The following DAB1 variants were observed in gnomAD, a reference collection of about 807,000 sequenced individuals.
DAB1 encodes DAB adaptor protein 1.
Under a neutral mutation model 64.6 loss-of-function variants are expected in DAB1, and 15 were observed. That is an observed-to-expected ratio of 0.23 (90% CI 0.16 to 0.36). DAB1 has a LOEUF of 0.36. Ranked by LOEUF, DAB1 falls within the 10% of genes least tolerant of loss-of-function variation. DAB1 has a pLI of 1.00. For missense variants in DAB1, 596 were observed against 706.7 expected (o/e 0.84, Z 1.78); for synonymous variants, 235 against 251.9 (o/e 0.93, Z 0.64).
At chr1:57,029,094 T>A (rs1570540835) in intron 9 of DAB1, among the ~76,000 whole-genome samples, 1 of 151,922 alleles carries the variant, frequency 6.6e-6, no homozygotes, top group Non-Finnish European at 1.5e-5. Context: ...GAAAAAGTGG[T>A]TTTGTGGGCT....
chr1:57,542,241 C>T (rs1407737178), intron 7 of DAB1, among the ~76,000 whole-genome samples: 1 of 151,902 alleles, frequency 6.6e-6, no homozygotes, highest in African/African-American at 2.4e-5. Context: ...CAGTACACAG[C>T]CAGAACCAGG....
At chr1:58,384,719 C>T (rs1263589306) in intron 3 of DAB1, among the ~76,000 whole-genome samples, 1 of 152,198 alleles carries the variant, frequency 6.6e-6, no homozygotes, top group African/African-American at 2.4e-5. Context: ...TGGCCAAAGG[C>T]CCAAAGGCCC....
intron 4 of DAB1, among the ~76,000 whole-genome samples, chr1:57,133,935 C>A (rs1184110721): frequency 6.6e-6 from 1 of 152,162 alleles, no homozygotes; most frequent in Non-Finnish European, 1.5e-5. Flanking sequence ...ACTGTTCCTG[C>A]TCATAATTTC....
intron 5 of DAB1, among the ~76,000 whole-genome samples, chr1:57,920,119 A>G (rs1009017021): frequency 1.3e-5 from 2 of 152,144 alleles, no homozygotes; most frequent in Non-Finnish European, 2.9e-5. Context: ...TAAGGCAGAG[A>G]GGTGAGCTAG....
chr1:57,859,178 A>G (rs547160395), intron 1 of DAB1, among the ~76,000 whole-genome samples: 2 of 151,990 alleles, frequency 1.3e-5, no homozygotes, highest in Non-Finnish European at 2.9e-5. Context: ...CCTAACCTAG[A>G]CCCCAAATTA....
At chr1:57,482,197 G>A (rs936759692) in intron 7 of DAB1, among the ~76,000 whole-genome samples, 1 of 151,980 alleles carries the variant, frequency 6.6e-6, no homozygotes, top group African/African-American at 2.4e-5. Context: ...ATCTAAGTTC[G>A]CATGAAAGAG....
intron 7 of DAB1, among the ~76,000 whole-genome samples, chr1:57,628,365 AAG>A (rs1372836712): frequency 1.3e-5 from 2 of 152,254 alleles, no homozygotes; most frequent in African/African-American, 4.8e-5. Flanking sequence ...TTCAAATATG[AAG>A]AGAGATGTGG....
chr1:57,079,952 G>A lies in DAB1; in HGVS notation c.307-7538C>T, dbSNP rs919427441. Among the ~76,000 whole-genome samples the A allele has an allele frequency of 1.1e-4, 16 of 152,070 alleles. No individual in the cohort carries two copies. The South Asian group carries it at 1.7e-3, about 16-fold the overall frequency. The stretch of plus-strand genomic sequence containing the variant: ...GATGAATTGATCAGTGTCTGCCTCC[G>A]CCACTAGAGGCAGCAGCAGCATTTT... On this transcript the variant is annotated intron_variant, in intron 4 of 14. Coordinates refer to ENST00000371236, the MANE Select transcript of DAB1 (RefSeq NM_001365792.1).
chr1:57,606,810 A>AGAGG (rs35770063), intron 7 of DAB1, among the ~76,000 whole-genome samples: 6 of 145,468 alleles, frequency 4.1e-5, no homozygotes, highest in Admixed American at 1.4e-4. Flanking sequence ...AGAGAGAGAG[A>AGAGG]CAGATTTTCA....
chr1:57,621,819 T>G (rs1645863251), intron 7 of DAB1, among the ~76,000 whole-genome samples: 1 of 152,208 alleles, frequency 6.6e-6, no homozygotes, highest in Non-Finnish European at 1.5e-5. Context: ...CTGATACAGA[T>G]AGGCCCCCAA....
intron 7 of DAB1, among the ~76,000 whole-genome samples, chr1:57,606,795 T>TAGAA (rs1553199599): frequency 5.3e-5 from 7 of 133,168 alleles, no homozygotes; most frequent in Non-Finnish European, 9.2e-5. Flanking sequence ...CATATATATA[T>TAGAA]AGAGAGAGAG....
chr1:57,363,450 C>T (rs1679714481), intron 1 of DAB1, among the ~76,000 whole-genome samples: 1 of 152,004 alleles, frequency 6.6e-6, no homozygotes, highest in East Asian at 1.9e-4. Flanking sequence ...AACACATTTC[C>T]AAATCCCATT....
At chr1:57,092,676 G>A (rs1316587497) in intron 4 of DAB1, among the ~76,000 whole-genome samples, 5 of 127,822 alleles carry the variant, frequency 3.9e-5, no homozygotes, top group Admixed American at 1.7e-4. Context: ...GCGGGGGAGG[G>A]GGGTGGGGGG....
At chr1:58,533,491 T>C (rs956988341) in intron 1 of DAB1, among the ~76,000 whole-genome samples, 1 of 152,156 alleles carries the variant, frequency 6.6e-6, no homozygotes, top group Non-Finnish European at 1.5e-5. Context: ...GTTATTACTC[T>C]GTATTAATTA....
chr1:58,339,043 A>G (rs1327109330), intron 4 of DAB1, among the ~76,000 whole-genome samples: 1 of 152,206 alleles, frequency 6.6e-6, no homozygotes, highest in African/African-American at 2.4e-5. Context: ...ATGGCTACAG[A>G]GTTTTCCTTT....
chr1:58,312,541 C>T (rs1662453090), intron 4 of DAB1, among the ~76,000 whole-genome samples: 1 of 152,160 alleles, frequency 6.6e-6, no homozygotes, highest in South Asian at 2.1e-4. Flanking sequence ...CCTTTTGATG[C>T]ATCCGAAACA....
rs552258115 is a variant in DAB1 at position 57,098,133 on chromosome 1, C to A, written c.307-25719G>T. 4.6e-5 allele frequency among the ~76,000 whole-genome samples: 7 copies of A among 152,226 alleles called. No homozygotes were observed. The South Asian group carries it at 1.5e-3, about 32-fold the overall frequency. ...AGTGTGACTTCACAGAGTTGATAAACCTCCAACCTAAGGTGGGAAAAAATT... is the reference window on the plus strand; with the variant it reads ...AGTGTGACTTCACAGAGTTGATAAAACTCCAACCTAAGGTGGGAAAAAATT... On this transcript the variant is annotated intron_variant, in intron 4 of 14. Transcript: ENST00000371236.
intron 1 of DAB1, among the ~76,000 whole-genome samples, chr1:57,327,052 C>T (rs1316513497): frequency 6.6e-6 from 1 of 152,158 alleles, no homozygotes; most frequent in East Asian, 1.9e-4. Flanking sequence ...GATTCTCTGG[C>T]ATCAGCCCCC....
At chr1:58,138,506 G>A (rs1654075628) in intron 5 of DAB1, among the ~76,000 whole-genome samples, 2 of 152,164 alleles carry the variant, frequency 1.3e-5, no homozygotes, top group Admixed American at 1.3e-4. Context: ...CACAAACAGG[G>A]AAGCATGGGC....
Sources: gnomAD v4.1 joint callset for allele counts (sites outside exome capture counted in the v4.1 genomes callset) on GRCh38, gnomAD v4.1.1 for gene constraint, MANE v1.5 for transcripts, NCBI Gene and HGNC (gene_info 2026-07-23, HGNC 2026-07-21) for gene names.